Variants in THADA observed in about 807,000 individuals in gnomAD.
The protein encoded by THADA is tRNA (32-2'-O)-methyltransferase regulator THADA.
THADA carries 213 observed loss-of-function variants against 219.8 expected under a neutral mutation model. That is an observed-to-expected ratio of 0.97 (90% CI 0.87 to 1.09). The LOEUF (loss-of-function observed/expected upper bound fraction) is 1.09. Ranked by LOEUF, THADA falls within the 50% of genes least tolerant of loss-of-function variation. THADA has a pLI of 0.00. For missense variants in THADA, 2,956 were observed against 2,311.3 expected (o/e 1.28, Z -5.72); for synonymous variants, 1,018 against 828.9 (o/e 1.23, Z -3.92).
intron 28 of THADA, 134 bp downstream of exon 28, chr2:43,427,958 AAAACAAAC>A (rs575998977): frequency 2.3e-5 from 10 of 426,336 alleles, no homozygotes; most frequent in African/African-American, 2.2e-4. Context: ...TCCGTCTCAA[AAAACAAAC>A]AAACAAACAA....
At chr2:43,531,597 A>C (rs1026502588) in intron 21 of THADA, among the ~76,000 whole-genome samples, 3 of 152,226 alleles carry the variant, frequency 2.0e-5, no homozygotes, top group African/African-American at 7.2e-5. Context: ...GACTACATGA[A>C]ACAGACTTAA....
chr2:43,317,999 C>T (rs1019399998), intron 31 of THADA, among the ~76,000 whole-genome samples: 4 of 152,004 alleles, frequency 2.6e-5, no homozygotes, highest in Non-Finnish European at 4.4e-5. Context: ...GACAGTTTTA[C>T]TTTGTTATTT....
At chr2:43,445,358 T>C (rs1343135639) in intron 26 of THADA, among the ~76,000 whole-genome samples, 1 of 152,248 alleles carries the variant, frequency 6.6e-6, no homozygotes, top group Non-Finnish European at 1.5e-5. Context: ...TGGAATCCTC[T>C]CAGATTCTGT....
chr2:43,402,255 GC>G (rs1205058536), intron 28 of THADA, among the ~76,000 whole-genome samples: 5 of 152,174 alleles, frequency 3.3e-5, no homozygotes, highest in Non-Finnish European at 7.3e-5. Context: ...TATACAGCCT[GC>G]TCATCACAAA....
At position 43,574,937 on chromosome 2, in the gene THADA, C is replaced by G; in HGVS notation, c.1128G>C (p.Pro376=). The change falls in exon 11 of 38, where the codon CCG becomes CCC. Residue 376 remains proline (P), a synonymous_variant. Coordinates refer to ENST00000405975, the MANE Select transcript of THADA (RefSeq NM_022065.5). ...TCCCATTCAGGCTGTCCGTTAGGCT[C>G]GGGGAACTTGATTCAAGGACTTGTA... ...SAIQVLESSS[P]SLTDSLNGNS... The G allele has an allele frequency of 6.2e-7, 1 of 1,613,924 alleles. No individual in the cohort carries two copies. The highest frequency in any genetic ancestry group is 8.5e-7 in the Non-Finnish European group (1 of 1,179,890).
chr2:43,474,370 C>T (rs1309328631), intron 26 of THADA, among the ~76,000 whole-genome samples: 3 of 152,116 alleles, frequency 2.0e-5, no homozygotes, highest in Non-Finnish European at 4.4e-5. Flanking sequence ...AGGCTCTTCC[C>T]CTGAGAGAGA....
chr2:43,515,199 TAA>T (rs1491411626), intron 22 of THADA, among the ~76,000 whole-genome samples: 28 of 64,220 alleles, frequency 4.4e-4, no homozygotes, highest in Non-Finnish European at 6.2e-4. Flanking sequence ...ATATTATATA[TAA>T]TATATAATAT....
chr2:43,417,823 G>C (rs1200026779), intron 28 of THADA, among the ~76,000 whole-genome samples: 2 of 152,164 alleles, frequency 1.3e-5, no homozygotes, highest in Non-Finnish European at 2.9e-5. Context: ...GTATGAGCTA[G>C]GTAGGACACA....
intron 26 of THADA, among the ~76,000 whole-genome samples, chr2:43,476,008 C>T (rs780647067): frequency 7.9e-5 from 12 of 152,202 alleles, no homozygotes; most frequent in Non-Finnish European, 1.8e-4. Context: ...TTCCTCTTAA[C>T]AGAACTGATT....
intron 35 of THADA, among the ~76,000 whole-genome samples, chr2:43,286,695 A>C (rs1010683889): frequency 1.3e-5 from 2 of 152,186 alleles, no homozygotes; most frequent in Admixed American, 6.5e-5. Flanking sequence ...ACTGCACTCC[A>C]GCCTGGGTGA....
intron 20 of THADA, among the ~76,000 whole-genome samples, chr2:43,548,083 A>C (rs531872589): frequency 1.3e-5 from 2 of 152,318 alleles, no homozygotes; most frequent in East Asian, 3.9e-4. Flanking sequence ...TCCTTCTAAC[A>C]GACAGGACCC....
chr2:43,503,309 T>A (rs1274842012), intron 24 of THADA, among the ~76,000 whole-genome samples: 1 of 152,192 alleles, frequency 6.6e-6, no homozygotes, highest in Non-Finnish European at 1.5e-5. Flanking sequence ...ACAACCTAAA[T>A]GTCCATTCAC....
intron 30 of THADA, among the ~76,000 whole-genome samples, chr2:43,339,957 A>T (rs369679053): frequency 1.4e-4 from 22 of 152,002 alleles, no homozygotes; most frequent in South Asian, 8.3e-4. Context: ...AATAAATAAA[A>T]AACTTAAAAA....
chr2:43,296,999 CAT>C (rs1675485871), intron 31 of THADA, among the ~76,000 whole-genome samples: 1 of 97,272 alleles, frequency 1.0e-5, no homozygotes, highest in African/African-American at 6.0e-5. Flanking sequence ...CCTGGCCGCC[CAT>C]CGTCTGGGAT....
chr2:43,534,885 G>A (rs956140157), intron 21 of THADA, among the ~76,000 whole-genome samples: 14 of 152,050 alleles, frequency 9.2e-5, no homozygotes, highest in Admixed American at 3.3e-4. Flanking sequence ...TGGATCATAC[G>A]GTATTTCTAT....
chr2:43,376,037 C>A (rs1283529002), intron 29 of THADA, among the ~76,000 whole-genome samples: 1 of 152,142 alleles, frequency 6.6e-6, no homozygotes, highest in Non-Finnish European at 1.5e-5. Context: ...ACCCTCAGAG[C>A]CAATATTTAC....
intron 21 of THADA, among the ~76,000 whole-genome samples, chr2:43,532,112 TA>T (rs143916030): frequency 0.1 from 15,313 of 150,666 alleles, 838 homozygotes; most frequent in South Asian, 0.14. Context: ...ATGAAAAGTG[TA>T]AAAAAAATAT....
At chr2:43,457,539 G>A (rs1455579856) in intron 26 of THADA, among the ~76,000 whole-genome samples, 1 of 152,130 alleles carries the variant, frequency 6.6e-6, no homozygotes, top group East Asian at 1.9e-4. Context: ...CTGATACAAA[G>A]ACTAAATAAA....
chr2:43,498,728 G>A (rs1252604473), intron 25 of THADA, 105 bp downstream of exon 25: 2 of 1,222,780 alleles, frequency 1.6e-6, no homozygotes, highest in Non-Finnish European at 2.2e-6. Flanking sequence ...AAAATTCATG[G>A]TAAAGGGCAG....
Sources: gnomAD v4.1 joint callset for allele counts (sites outside exome capture counted in the v4.1 genomes callset) on GRCh38, gnomAD v4.1.1 for gene constraint, MANE v1.5 for transcripts, NCBI Gene and HGNC (gene_info 2026-07-23, HGNC 2026-07-21) for gene names.